Variants in DUSP11 observed in about 807,000 individuals in gnomAD.
DUSP11 encodes RNA/RNP complex-1-interacting phosphatase.
A neutral mutation model predicts 41.4 loss-of-function variants in DUSP11; 27 were observed. That is an observed-to-expected ratio of 0.65 (90% confidence interval 0.48 to 0.90). The LOEUF is 0.90. Ranked by LOEUF, DUSP11 falls within the 40% of genes least tolerant of loss-of-function variation. DUSP11 has a pLI of 0.00. For synonymous variants in DUSP11, 188 were observed against 159.3 expected (o/e 1.18, Z -1.35); for missense variants, 465 against 461.1 (o/e 1.01, Z -0.08).
At chr2:73,771,532 C>T (rs1379449541) in intron 4 of DUSP11, among the ~76,000 whole-genome samples, 3 of 151,784 alleles carry the variant, frequency 2.0e-5, no homozygotes, top group East Asian at 1.9e-4. Flanking sequence ...CTCGCTCTGT[C>T]GCCCAGGCTG....
At chr2:73,771,555 G>A (rs1204271509) in intron 4 of DUSP11, among the ~76,000 whole-genome samples, 6 of 151,268 alleles carry the variant, frequency 4.0e-5, no homozygotes, top group Non-Finnish European at 5.9e-5. Context: ...GTGCAGTGGC[G>A]CAATCTCGGC....
intron 2 of DUSP11, among the ~76,000 whole-genome samples, chr2:73,777,311 G>A (rs892055122): frequency 1.3e-5 from 2 of 152,112 alleles, no homozygotes; most frequent in Non-Finnish European, 2.9e-5. Context: ...GACATGCAGA[G>A]AAGCTGACAC....
chr2:73,772,181 A>G (rs937782535), intron 4 of DUSP11, among the ~76,000 whole-genome samples: 3 of 152,246 alleles, frequency 2.0e-5, no homozygotes, highest in African/African-American at 4.8e-5. Context: ...GTGAACTGCT[A>G]TAACAAAAAA....
exon 7 of DUSP11, chr2:73,766,873 T>C: frequency 6.2e-7 from 1 of 1,613,552 alleles, no homozygotes; most frequent in Non-Finnish European, 8.5e-7. Flanking sequence ...GTTTTGTCTT[T>C]CTAAGCAATG....
Position 73,778,292 on chromosome 2 carries a change from T to G in DUSP11, c.318+9A>C. 6.4e-7 allele frequency: 1 copy of G among 1,572,392 alleles called. No individual in the cohort carries two copies. Among genetic ancestry groups the G allele is most frequent in the Non-Finnish European group, 8.6e-7 (1 of 1,161,716 alleles). On this transcript the variant is annotated intron_variant, in intron 2 of 8. Coordinates refer to ENST00000272444, the Ensembl canonical transcript of DUSP11. The stretch of plus-strand genomic sequence containing the variant: ...TGCCTGAAAGAATACTGAATTAACT[T>G]TTGCTTACCTTTTGCAAAGGAACTT...
chr2:73,773,930 A>G lies in DUSP11; in HGVS notation c.451-7T>C, dbSNP rs1388100490. The G allele has an allele frequency of 6.4e-7, 1 of 1,572,262 alleles. No individual in the cohort carries two copies. Among genetic ancestry groups the G allele is most frequent in the African/African-American group, 1.4e-5 (1 of 73,604 alleles). On this transcript the variant is annotated splice_region_variant and splice_polypyrimidine_tract_variant and intron_variant, in intron 3 of 8. Transcript: ENST00000272444. The stretch of plus-strand genomic sequence containing the variant: ...GAACAGTTTCTGGCAAATCCTATAA[A>G]GCAAAACCATAAAAGATGTGTATTA...
exon 1 of DUSP11, chr2:73,780,070 C>G: frequency 6.3e-7 from 1 of 1,599,788 alleles, no homozygotes; most frequent in Non-Finnish European, 8.5e-7. Context: ...CAGGAAAAGA[C>G]TCGGCAGCCA....
At chr2:73,776,191 G>A (rs1672681962) in intron 2 of DUSP11, among the ~76,000 whole-genome samples, 1 of 151,864 alleles carries the variant, frequency 6.6e-6, no homozygotes, top group African/African-American at 2.4e-5. Flanking sequence ...GAGGCAGGAG[G>A]ATCACGAGGT....
At chr2:73,777,765 T>A (rs1179299131) in intron 2 of DUSP11, among the ~76,000 whole-genome samples, 1 of 152,252 alleles carries the variant, frequency 6.6e-6, no homozygotes, top group Non-Finnish European at 1.5e-5. Context: ...GATAAAAAGC[T>A]GTTCATATTT....
chr2:73,762,708 T>A, exon 9 of DUSP11: 1 of 1,613,716 alleles, frequency 6.2e-7, no homozygotes, highest in Admixed American at 1.7e-5. Flanking sequence ...CTGGAGTAAT[T>A]ATAAGGATAC....
chr2:73,773,843 G>T, exon 4 of DUSP11: 1 of 1,606,992 alleles, frequency 6.2e-7, no homozygotes, highest in Non-Finnish European at 8.5e-7. Flanking sequence ...CAGCGTGTTT[G>T]AATTTAAAAA....
rs754705080 is a variant in DUSP11, at chr2:73,774,981, G to A, written c.382C>T (p.Arg128Ter). Residue 128 changes from arginine (R) to a stop codon, truncating the protein, a stop_gained, in exon 3 of 9, where the codon CGA (arginine) becomes TGA (stop). Transcript: ENST00000272444. LOFTEE classifies it high-confidence loss of function. The stretch of plus-strand genomic sequence containing the variant: ...AGTCCAAGTTCTTCATTTTGTTCTC[G>A]GATTTTGTTAAAAAGATCCAAAGGG... The A allele has an allele frequency of 3.1e-6, 5 of 1,611,750 alleles. No individual in the cohort carries two copies. The highest frequency in any genetic ancestry group is 1.7e-4 in the Middle Eastern group (1 of 6,046).
intron 4 of DUSP11, 46 bp from the exon 5 acceptor site, chr2:73,769,371 A>T: frequency 7.6e-7 from 1 of 1,322,762 alleles, no homozygotes; most frequent in South Asian, 1.2e-5. Context: ...TAGATACACA[A>T]GTATATAACA....
chr2:73,769,099 A>G (rs932927980), intron 5 of DUSP11, 166 bp downstream of exon 5: 29 of 562,670 alleles, frequency 5.2e-5, no homozygotes, highest in Middle Eastern at 3.4e-4. Context: ...TAGAGTCTGA[A>G]AAGATGTGTA....
At chr2:73,770,979 C>A (rs992105912) in intron 4 of DUSP11, among the ~76,000 whole-genome samples, 1 of 152,194 alleles carries the variant, frequency 6.6e-6, no homozygotes, top group Non-Finnish European at 1.5e-5. Context: ...ACATTCCTCC[C>A]CAGACACCCA....
chr2:73,774,887 T>A lies in DUSP11; in HGVS notation c.450+26A>T. 3 of 1,496,976 alleles carry A rather than the reference T, an allele frequency of 2.0e-6. 1 individual carries two copies. Among genetic ancestry groups the A allele is most frequent in the Non-Finnish European group, 1.8e-6 (2 of 1,117,558 alleles). The allele number at this position is 1,496,976 out of a possible 1,614,324, so 92.7% of individuals were successfully genotyped here. On this transcript the variant is annotated intron_variant, in intron 3 of 8. Transcript: ENST00000272444. ...ATTTTAGGATCAGAAGGAAGAAAGT[T>A]CTTTTCATTGAAGGGTTCCACTTAC...
intron 8 of DUSP11, 76 bp downstream of exon 8, chr2:73,766,342 T>G: frequency 7.8e-7 from 1 of 1,274,846 alleles, no homozygotes; most frequent in Non-Finnish European, 1.1e-6. Context: ...TCCTCATCAG[T>G]ATCATAATGT....
intron 2 of DUSP11, among the ~76,000 whole-genome samples, chr2:73,775,851 C>CA (rs1290453444): frequency 1.1e-4 from 5 of 43,930 alleles, no homozygotes; most frequent in Non-Finnish European, 2.0e-4. Flanking sequence ...GACTCCATCT[C>CA]AAAAAAAAAA....
At chr2:73,762,698 C>G in exon 9 of DUSP11, 1 of 1,613,636 alleles carries the variant, frequency 6.2e-7, no homozygotes, top group South Asian at 1.1e-5. Context: ...ATAGGAGAGT[C>G]TGGAGTAATT....
Sources: allele counts gnomAD v4.1 joint callset (sites outside exome capture counted in the v4.1 genomes callset), GRCh38; gene constraint gnomAD v4.1.1; transcripts MANE v1.5; gene names NCBI Gene and HGNC (gene_info 2026-07-23, HGNC 2026-07-21).